AGBL4: variants seen among roughly 807,000 people sequenced by gnomAD.
AGBL4 encodes AGBL carboxypeptidase 4.
AGBL4 carries 58 observed loss-of-function variants against 66.4 expected under a neutral mutation model. The observed-to-expected ratio is 0.87, with a 90% CI of 0.71 to 1.09. The LOEUF (loss-of-function observed/expected upper bound fraction) is 1.09, where lower values mean the gene tolerates loss of function less well. AGBL4 is among the 50% of genes least tolerant of loss of function. The pLI, the probability that AGBL4 is intolerant of heterozygous loss-of-function variation, is 0.00. For missense variants in AGBL4, 579 were observed against 631.0 expected (o/e 0.92, Z 0.88); for synonymous variants, 234 against 222.9 (o/e 1.05, Z -0.44).
chr1:49,858,026 AT>A (rs1646476684), intron 1 of AGBL4, among the ~76,000 whole-genome samples: 2 of 152,296 alleles, frequency 1.3e-5, no homozygotes, highest in Admixed American at 6.5e-5. Flanking sequence ...CAACAAAAAA[AT>A]AAAATATCCT....
At chr1:49,990,079 C>T (rs1459781000) in intron 1 of AGBL4, among the ~76,000 whole-genome samples, 1 of 152,100 alleles carries the variant, frequency 6.6e-6, no homozygotes, top group Admixed American at 6.5e-5. Context: ...GTATTTTAAA[C>T]ACAATTTTGT....
intron 1 of AGBL4, among the ~76,000 whole-genome samples, chr1:49,911,552 C>G (rs1032581104): frequency 6.6e-6 from 1 of 152,110 alleles, no homozygotes; most frequent in South Asian, 2.1e-4. Flanking sequence ...GAAGGTAACC[C>G]CACTGTCAGT....
chr1:48,691,189 G>GTA (rs1174346557), intron 6 of AGBL4, among the ~76,000 whole-genome samples: 82 of 146,368 alleles, frequency 5.6e-4, no homozygotes, highest in Admixed American at 2.7e-3. Context: ...ATATATGTGT[G>GTA]TATATATATA....
intron 6 of AGBL4, among the ~76,000 whole-genome samples, chr1:48,860,720 C>T (rs2148818031): frequency 6.6e-6 from 1 of 152,230 alleles, no homozygotes; most frequent in East Asian, 1.9e-4. Flanking sequence ...TCAATATTCC[C>T]CAGGTCCTAT....
intron 3 of AGBL4, among the ~76,000 whole-genome samples, chr1:49,479,608 C>T (rs1174420859): frequency 6.6e-6 from 1 of 151,854 alleles, no homozygotes; most frequent in African/African-American, 2.4e-5. Context: ...TGTCCAGCCC[C>T]ATCCATGTCA....
intron 5 of AGBL4, among the ~76,000 whole-genome samples, chr1:48,898,986 G>T (rs955236759): frequency 1.3e-5 from 2 of 152,274 alleles, no homozygotes; most frequent in Non-Finnish European, 1.5e-5. Context: ...GTCTCTCCCC[G>T]ACCCCAGAGT....
intron 1 of AGBL4, among the ~76,000 whole-genome samples, chr1:49,882,686 GT>G (rs1346149913): frequency 6.6e-6 from 1 of 152,084 alleles, no homozygotes; most frequent in Non-Finnish European, 1.5e-5. Flanking sequence ...TTGGCTCTCT[GT>G]TTGTCTGTTA....
At chr1:48,989,290 A>C (rs182723942) in intron 5 of AGBL4, among the ~76,000 whole-genome samples, 2 of 152,250 alleles carry the variant, frequency 1.3e-5, no homozygotes, top group Admixed American at 6.5e-5. Context: ...ATATATTTTG[A>C]TACAGGCATA....
intron 3 of AGBL4, among the ~76,000 whole-genome samples, chr1:49,511,939 G>C (rs1334330729): frequency 6.6e-6 from 1 of 151,988 alleles, no homozygotes; most frequent in Non-Finnish European, 1.5e-5. Flanking sequence ...AGCATTCTGA[G>C]TCCTCAACAG....
At chr1:49,762,123 T>A (rs754362825) in intron 2 of AGBL4, among the ~76,000 whole-genome samples, 3 of 152,166 alleles carry the variant, frequency 2.0e-5, no homozygotes, top group Non-Finnish European at 4.4e-5. Context: ...CATATGGCAT[T>A]TCTATTTTTA....
At chr1:49,618,438 T>C (rs1645292561) in intron 3 of AGBL4, among the ~76,000 whole-genome samples, 1 of 132,310 alleles carries the variant, frequency 7.6e-6, no homozygotes, top group South Asian at 2.3e-4. Context: ...AATCCCTAAA[T>C]AGACCAATAA....
chr1:49,860,650 G>C (rs1383453612), intron 1 of AGBL4, among the ~76,000 whole-genome samples: 1 of 152,080 alleles, frequency 6.6e-6, no homozygotes, highest in Non-Finnish European at 1.5e-5. Context: ...AGTGAGCCGT[G>C]ATTGTGCCAC....
intron 6 of AGBL4, among the ~76,000 whole-genome samples, chr1:48,792,790 CT>C (rs767261863): frequency 6.6e-6 from 1 of 152,134 alleles, no homozygotes; most frequent in Admixed American, 6.5e-5. Context: ...TTTTAGAAAA[CT>C]ACAAATATTT....
intron 4 of AGBL4, among the ~76,000 whole-genome samples, chr1:49,123,381 C>T (rs1244255762): frequency 6.6e-6 from 1 of 152,102 alleles, no homozygotes; most frequent in Non-Finnish European, 1.5e-5. Context: ...GCTTAAGTAA[C>T]TTGCCACTCA....
At chr1:48,630,620 T>C (rs1373559709) in intron 9 of AGBL4, among the ~76,000 whole-genome samples, 1 of 152,206 alleles carries the variant, frequency 6.6e-6, no homozygotes, top group East Asian at 1.9e-4. Context: ...TCTAATGGTC[T>C]CACTGTCTCT....
intron 13 of AGBL4, among the ~76,000 whole-genome samples, chr1:48,534,495 G>A (rs1643937750): frequency 6.6e-6 from 1 of 151,988 alleles, no homozygotes; most frequent in Non-Finnish European, 1.5e-5. Flanking sequence ...TTAGGAGAGG[G>A]GATAATTGTA....
chr1:48,994,957 G>A (rs1196143340), intron 5 of AGBL4, among the ~76,000 whole-genome samples: 1 of 152,150 alleles, frequency 6.6e-6, no homozygotes, highest in African/African-American at 2.4e-5. Context: ...GATAAAAGAA[G>A]TTGAAAGAAA....
rs1210129933 is a variant in AGBL4 at position 48,586,932 on chromosome 1, C to A, written c.1267+72G>T. 2.5e-6 allele frequency: 4 copies of A among 1,592,742 alleles called. No individual in the cohort carries two copies. In the South Asian group the frequency reaches 4.6e-5, roughly 18 times the overall value. On this transcript the variant is annotated intron_variant, in intron 11 of 13. Transcript: ENST00000371839. ...CCTTACCTGAGCTGGGGGCCTAATT[C>A]CTGACCTGTCAGACTTGGATACTCT...
chr1:49,819,524 ATAAG>A (rs1358680810), intron 2 of AGBL4, among the ~76,000 whole-genome samples: 1 of 152,188 alleles, frequency 6.6e-6, no homozygotes, highest in Non-Finnish European at 1.5e-5. Flanking sequence ...CACATAGATA[ATAAG>A]TGTCAGGTCT....
Sources: allele counts gnomAD v4.1 joint callset (sites outside exome capture counted in the v4.1 genomes callset), GRCh38; gene constraint gnomAD v4.1.1; transcripts MANE v1.5; gene names NCBI Gene and HGNC (gene_info 2026-07-23, HGNC 2026-07-21).